The following SPAG16 variants were observed in gnomAD, a reference collection of about 807,000 sequenced individuals.
SPAG16 encodes sperm associated antigen 16.
SPAG16 carries 86 observed loss-of-function variants against 80.4 expected under a neutral mutation model. The ratio of observed to expected loss-of-function variants is 1.07; its 90% confidence interval spans 0.90 to 1.28. SPAG16 has a LOEUF of 1.28. SPAG16 is among the 50% of genes most tolerant of loss of function. The pLI, the probability that SPAG16 is intolerant of heterozygous loss-of-function variation, is 0.00. For missense variants in SPAG16, 870 were observed against 765.3 expected (o/e 1.14, Z -1.61); for synonymous variants, 294 against 265.9 (o/e 1.11, Z -1.03).
intron 1 of SPAG16, among the ~76,000 whole-genome samples, chr2:213,292,619 C>G (rs2062325398): frequency 5.5e-5 from 8 of 144,590 alleles, no homozygotes; most frequent in African/African-American, 2.6e-5. Context: ...AGCCGAGATC[C>G]CGCCACTGCA....
At chr2:213,742,970 C>A (rs1202742043) in intron 10 of SPAG16, among the ~76,000 whole-genome samples, 1 of 152,004 alleles carries the variant, frequency 6.6e-6, no homozygotes, top group Non-Finnish European at 1.5e-5. Context: ...GTGGTGAGAT[C>A]TCCACTCACT....
rs140431471 is a variant in SPAG16, at chr2:214,184,668, G to A, written c.1720+35402G>A. ...TAAAAATCTTATTGCCTGATAGCTC[G>A]CAGACATCTGTCAGCAGTTTTGGTT... On this transcript the variant is annotated intron_variant, in intron 15 of 15. Transcript: ENST00000331683. Among the ~76,000 whole-genome samples, 291 of 152,086 alleles carry A rather than the reference G, an allele frequency of 1.9e-3. 2 individuals are homozygous for A. Among genetic ancestry groups the A allele is most frequent in the African/African-American group, 6.1e-3 (254 of 41,494 alleles).
chr2:213,335,619 A>G (rs932236005), intron 5 of SPAG16, among the ~76,000 whole-genome samples: 19 of 152,228 alleles, frequency 1.2e-4, no homozygotes, highest in African/African-American at 4.6e-4. Flanking sequence ...GGTTAAAATC[A>G]GAAAAGAATA....
At chr2:213,883,826 A>G (rs1380770987) in intron 11 of SPAG16, among the ~76,000 whole-genome samples, 1 of 152,268 alleles carries the variant, frequency 6.6e-6, no homozygotes, top group South Asian at 2.1e-4. Flanking sequence ...GTATGAGAAT[A>G]GTGACTCCTG....
At chr2:214,070,080 ATT>A (rs71034614) in intron 13 of SPAG16, among the ~76,000 whole-genome samples, 1 of 142,596 alleles carries the variant, frequency 7.0e-6, no homozygotes, top group Non-Finnish European at 1.5e-5. Flanking sequence ...CTCTTGGGGA[ATT>A]TTTTTTTTTT....
At chr2:213,471,509 T>C (rs2073076612) in intron 9 of SPAG16, among the ~76,000 whole-genome samples, 3 of 152,152 alleles carry the variant, frequency 2.0e-5, no homozygotes. Context: ...AACATCTGTC[T>C]CTCAAAAGGA....
intron 9 of SPAG16, among the ~76,000 whole-genome samples, chr2:213,474,431 A>T (rs1204608408): frequency 1.3e-5 from 2 of 151,992 alleles, no homozygotes; most frequent in Non-Finnish European, 2.9e-5. Context: ...TTCTTTCATC[A>T]CTTTGTCTAC....
At chr2:213,770,279 T>G (rs996489479) in intron 10 of SPAG16, among the ~76,000 whole-genome samples, 1 of 152,122 alleles carries the variant, frequency 6.6e-6, no homozygotes, top group African/African-American at 2.4e-5. Context: ...TATGTCATTT[T>G]TATTGGATAA....
At chr2:213,304,717 G>C (rs1397106790) in intron 3 of SPAG16, among the ~76,000 whole-genome samples, 1 of 151,984 alleles carries the variant, frequency 6.6e-6, no homozygotes, top group African/African-American at 2.4e-5. Flanking sequence ...TGTGTGCTCT[G>C]TTCTGTTGGT....
intron 10 of SPAG16, among the ~76,000 whole-genome samples, chr2:213,703,520 A>G (rs1452043018): frequency 6.6e-6 from 1 of 152,220 alleles, no homozygotes; most frequent in Non-Finnish European, 1.5e-5. Flanking sequence ...ACCCCAAGAT[A>G]AAAACATCTT....
At chr2:213,529,673 C>T (rs769822696) in intron 10 of SPAG16, among the ~76,000 whole-genome samples, 17 of 152,082 alleles carry the variant, frequency 1.1e-4, no homozygotes, top group Non-Finnish European at 1.9e-4. Flanking sequence ...AAAATAAATA[C>T]TCTAGGCAAC....
At chr2:213,331,517 C>T (rs2064106797) in intron 5 of SPAG16, among the ~76,000 whole-genome samples, 1 of 152,176 alleles carries the variant, frequency 6.6e-6, no homozygotes, top group East Asian at 1.9e-4. Context: ...ATCCCATTTT[C>T]AGTATTGGAC....
At chr2:214,084,221 A>T (rs1250091249) in intron 13 of SPAG16, among the ~76,000 whole-genome samples, 1 of 152,140 alleles carries the variant, frequency 6.6e-6, no homozygotes, top group African/African-American at 2.4e-5. Context: ...ACTTCATTTC[A>T]TCAAGTCCTC....
At chr2:214,340,280 C>T (rs887855730) in intron 15 of SPAG16, among the ~76,000 whole-genome samples, 1 of 152,164 alleles carries the variant, frequency 6.6e-6, no homozygotes, top group Non-Finnish European at 1.5e-5. Context: ...AGGGTACACA[C>T]GTATACATCC....
intron 13 of SPAG16, among the ~76,000 whole-genome samples, chr2:214,049,814 A>C (rs1394933341): frequency 6.6e-6 from 1 of 152,216 alleles, no homozygotes; most frequent in African/African-American, 2.4e-5. Context: ...TTTTGAAGGG[A>C]AGTTATATTT....
chr2:214,307,745 A>G (rs1018532802), intron 15 of SPAG16, among the ~76,000 whole-genome samples: 50 of 152,158 alleles, frequency 3.3e-4, no homozygotes, highest in African/African-American at 1.1e-3. Context: ...TGATTGTGCT[A>G]TGGTCTGAGA....
At chr2:214,223,158 G>A (rs1446142376) in intron 15 of SPAG16, among the ~76,000 whole-genome samples, 1 of 117,468 alleles carries the variant, frequency 8.5e-6, no homozygotes, top group African/African-American at 3.4e-5. Context: ...GATCTTCCTG[G>A]GGAGACTTTA....
At chr2:213,893,090 T>C (rs2076849390) in intron 11 of SPAG16, among the ~76,000 whole-genome samples, 1 of 151,848 alleles carries the variant, frequency 6.6e-6, no homozygotes, top group East Asian at 1.9e-4. Context: ...AAAAAGGAGT[T>C]CCAGTTCACC....
intron 11 of SPAG16, among the ~76,000 whole-genome samples, chr2:213,926,995 C>T (rs1223593812): frequency 2.0e-5 from 3 of 152,182 alleles, no homozygotes; most frequent in African/African-American, 7.2e-5. Flanking sequence ...ATTAATTTCT[C>T]ACACTCCTGG....
Sources: allele counts gnomAD v4.1 joint callset (sites outside exome capture counted in the v4.1 genomes callset), GRCh38; gene constraint gnomAD v4.1.1; transcripts MANE v1.5; gene names NCBI Gene and HGNC (gene_info 2026-07-23, HGNC 2026-07-21).